The following OPHN1 variants were observed in gnomAD, a reference collection of about 807,000 sequenced individuals.
OPHN1 encodes oligophrenin 1.
Under a neutral mutation model 60.7 loss-of-function variants are expected in OPHN1, and 11 were observed. The ratio of observed to expected loss-of-function variants is 0.18; its 90% confidence interval spans 0.11 to 0.30. The LOEUF (loss-of-function observed/expected upper bound fraction) is 0.30, where lower values mean the gene tolerates loss of function less well. OPHN1 is among the 10% of genes least tolerant of loss of function. The probability of loss-of-function intolerance (pLI) is 1.00; values close to 1 mark genes in which losing one functional copy is unlikely to be tolerated. For synonymous variants in OPHN1, 226 were observed against 222.6 expected (o/e 1.02, Z -0.14); for missense variants, 449 against 611.0 (o/e 0.73, Z 2.80).
chrX:68,229,830 T>C (rs2147517719), intron 6 of OPHN1, among the ~76,000 whole-genome samples: 1 of 111,890 alleles, frequency 8.9e-6, no homozygotes, highest in East Asian at 2.8e-4. Flanking sequence ...ACCTAGGCAA[T>C]ACCATTCAGG....
intron 11 of OPHN1, among the ~76,000 whole-genome samples, chrX:68,198,651 A>C (rs1478276341): frequency 9.0e-6 from 1 of 111,492 alleles, no homozygotes; most frequent in Admixed American, 9.6e-5. Flanking sequence ...TCCTTCCACA[A>C]ATTCTGTGAT....
intron 2 of OPHN1, among the ~76,000 whole-genome samples, chrX:68,315,004 G>C (rs1221231634): frequency 1.9e-5 from 2 of 105,828 alleles, no homozygotes; most frequent in African/African-American, 6.9e-5. Context: ...AAAAAAAACA[G>C]AGAGAGAAAG....
chrX:68,113,085 C>T, intron 17 of OPHN1, 96 bp downstream of exon 17: 1 of 678,193 alleles, frequency 1.5e-6, no homozygotes, highest in Non-Finnish European at 2.3e-6. Flanking sequence ...GGTTTCTGTG[C>T]CCTCAATCAC....
intron 15 of OPHN1, among the ~76,000 whole-genome samples, chrX:68,170,543 C>T (rs2077384989): frequency 9.1e-6 from 1 of 109,892 alleles, no homozygotes; most frequent in Non-Finnish European, 1.9e-5. Context: ...AAATGTCCAA[C>T]AATGATAGAC....
At chrX:68,218,359 G>A (rs2077629008) in intron 6 of OPHN1, among the ~76,000 whole-genome samples, 1 of 100,602 alleles carries the variant, frequency 9.9e-6, no homozygotes, top group South Asian at 5.7e-4. Flanking sequence ...CACTCTGCAG[G>A]ATATTATCCA....
At chrX:68,089,058 C>T (rs2077006355) in intron 19 of OPHN1, among the ~76,000 whole-genome samples, 1 of 111,291 alleles carries the variant, frequency 9.0e-6, no homozygotes, top group South Asian at 3.8e-4. Context: ...AAAGTCCACC[C>T]GATCTCTCAT....
chrX:68,157,929 G>A (rs991031980), intron 15 of OPHN1, among the ~76,000 whole-genome samples: 12 of 111,900 alleles, frequency 1.1e-4, no homozygotes, highest in Non-Finnish European at 3.8e-5. Flanking sequence ...GAGATAAAGA[G>A]GTGCTATTTT....
chrX:68,234,180 T>A (rs891056568), intron 6 of OPHN1, among the ~76,000 whole-genome samples: 1 of 109,439 alleles, frequency 9.1e-6, no homozygotes, highest in Non-Finnish European at 1.9e-5. Context: ...ACAACACTAG[T>A]TTAACTTTAT....
Position 68,197,234 on chromosome X carries a change from T to C in OPHN1, c.1056A>G (p.Ser352=). The change falls in exon 12 of 25, where the codon TCA becomes TCG. Residue 352 remains serine (S), a synonymous_variant. Transcript: ENST00000355520. ...RPGTITLQAL[S]EANRRLWMEA... is the part of the protein sequence containing the mutation. ...CCATCCATAGCCTTCTGTTAGCTTC[T>C]GAAAGGGCCTGCAGAGTGATGGTTC... 8.3e-7 allele frequency: 1 copy of C among 1,209,843 alleles called. No individual in the cohort carries two copies. Among genetic ancestry groups the C allele is most frequent in the East Asian group, 3.0e-5 (1 of 33,806 alleles).
intron 15 of OPHN1, among the ~76,000 whole-genome samples, chrX:68,187,600 A>C (rs7060140): frequency 0.2 from 21,848 of 109,393 alleles, 1,820 homozygotes; most frequent in African/African-American, 0.31. Flanking sequence ...TAAGAGGATA[A>C]ATTCGTATTG....
At chrX:68,226,863 C>A (rs2077696547) in intron 6 of OPHN1, among the ~76,000 whole-genome samples, 1 of 111,517 alleles carries the variant, frequency 9.0e-6, no homozygotes, top group African/African-American at 3.3e-5. Context: ...ATCACAGGAT[C>A]AAATTCACAC....
intron 12 of OPHN1, among the ~76,000 whole-genome samples, chrX:68,195,953 G>A (rs1222826267): frequency 6.3e-5 from 7 of 111,803 alleles, no homozygotes; most frequent in Admixed American, 5.7e-4. Flanking sequence ...ACTTGGGAGA[G>A]GGAATTGAAA....
intron 18 of OPHN1, among the ~76,000 whole-genome samples, chrX:68,100,050 C>T (rs1211819361): frequency 9.0e-6 from 1 of 111,472 alleles, no homozygotes; most frequent in Admixed American, 9.6e-5. Flanking sequence ...CTATCTTTTT[C>T]CATCCTTAGG....
At chrX:68,276,614 G>A (rs1163048878) in intron 4 of OPHN1, among the ~76,000 whole-genome samples, 2 of 111,794 alleles carry the variant, frequency 1.8e-5, no homozygotes, top group African/African-American at 6.5e-5. Context: ...TATTGTGGAA[G>A]CTTTAAAACA....
chrX:68,344,547 G>A (rs947340021), intron 2 of OPHN1, among the ~76,000 whole-genome samples: 1 of 109,493 alleles, frequency 9.1e-6, no homozygotes, highest in East Asian at 2.9e-4. Context: ...AGGAGGCAGA[G>A]GTTGTACCGA....
At chrX:68,423,258 C>G (rs5965576) in intron 2 of OPHN1, among the ~76,000 whole-genome samples, 4,772 of 110,963 alleles carry the variant, frequency 0.043, 283 homozygotes, top group African/African-American at 0.15. Flanking sequence ...ATCTCCTGAC[C>G]TCGTGATCTG....
intron 2 of OPHN1, among the ~76,000 whole-genome samples, chrX:68,424,036 G>A (rs1040868565): frequency 1.1e-4 from 12 of 110,281 alleles, no homozygotes; most frequent in Non-Finnish European, 1.7e-4. Context: ...GCGTGGTGGC[G>A]GACACCTATA....
intron 3 of OPHN1, among the ~76,000 whole-genome samples, chrX:68,292,381 T>C (rs1319968437): frequency 8.9e-6 from 1 of 112,194 alleles, no homozygotes; most frequent in Non-Finnish European, 1.9e-5. Flanking sequence ...ATTATGATTA[T>C]AGATTTTTTG....
intron 6 of OPHN1, among the ~76,000 whole-genome samples, chrX:68,218,312 C>G (rs753715917): frequency 1.9e-5 from 2 of 106,226 alleles, no homozygotes; most frequent in African/African-American, 6.9e-5. Flanking sequence ...ATTGGTGTAC[C>G]TGAAAGGGAT....
Sources: gnomAD v4.1 joint callset for allele counts (sites outside exome capture counted in the v4.1 genomes callset) on GRCh38, gnomAD v4.1.1 for gene constraint, MANE v1.5 for transcripts, NCBI Gene and HGNC (gene_info 2026-07-23, HGNC 2026-07-21) for gene names.